The following GDAP1 variants were observed in gnomAD, a reference collection of about 807,000 sequenced individuals.
GDAP1 encodes ganglioside-induced differentiation-associated protein 1.
In GDAP1, 34 loss-of-function variants were observed where a neutral mutation model predicts 40.1. The ratio of observed to expected loss-of-function variants is 0.85; its 90% CI spans 0.64 to 1.13. GDAP1 has a LOEUF of 1.13. GDAP1 is among the 50% of genes most tolerant of loss of function. The pLI, the probability that GDAP1 is intolerant of heterozygous loss-of-function variation, is 0.00. For synonymous variants in GDAP1, 170 were observed against 157.4 expected, an observed-to-expected ratio of 1.08 and a Z score of -0.60; for missense variants, 374 against 433.7, an observed-to-expected ratio of 0.86 and a Z score of 1.22.
intron 2 of GDAP1, among the ~76,000 whole-genome samples, chr8:74,407,973 AT>A (rs1212848107): frequency 6.7e-6 from 1 of 149,912 alleles, no homozygotes; most frequent in Non-Finnish European, 1.5e-5. Context: ...CAAGTCTAAA[AT>A]TTTCTATTTC....
At position 74,395,463 on chromosome 8, in the gene GDAP1, G is replaced by C. The variant is rs1468494721; in HGVS notation, c.165+44142G>C. On this transcript the variant is annotated intron_variant, in intron 2 of 2. Transcript: ENST00000523640. ...GAAGAACAATAGTAAATTGGATGAA[G>C]AGAAATAATCAATCCCTTTGTATAA... Among the ~76,000 whole-genome samples, 3 of 152,160 alleles carry C rather than the reference G, an allele frequency of 2.0e-5. No homozygotes were observed. The East Asian group carries it at 5.8e-4, about 29-fold the overall frequency.
intron 2 of GDAP1, among the ~76,000 whole-genome samples, chr8:74,444,008 A>G (rs1490193718): frequency 7.1e-6 from 1 of 140,946 alleles, no homozygotes. Flanking sequence ...CTATCTATCT[A>G]TCTATCTATC....
chr8:74,350,497 G>A lies in GDAP1; in HGVS notation c.36G>A (p.Pro12=). 6.2e-7 allele frequency: 1 copy of A among 1,613,238 alleles called. No individual in the cohort carries two copies. Among genetic ancestry groups the A allele is most frequent in the Non-Finnish European group, 8.5e-7 (1 of 1,179,366 alleles). The change falls in exon 1 of 6, where the codon CCG becomes CCA. Residue 12 remains proline, a synonymous_variant. Coordinates refer to ENST00000220822, the MANE Select transcript of GDAP1 (RefSeq NM_018972.4). ...AERQEEQRGS[P]PLRAEGKADA... is the part of the protein sequence containing the mutation. ...GGCAGGAAGAGCAGAGAGGGAGCCC[G>A]CCCTTGAGGGCGGAAGGCAAGGCCG...
At chr8:74,461,303 C>A (rs987907301) in intron 2 of GDAP1, among the ~76,000 whole-genome samples, 1 of 152,176 alleles carries the variant, frequency 6.6e-6, no homozygotes. Context: ...CATTAATGCT[C>A]TGCTCTCTAA....
At chr8:74,366,912 T>C (rs1462606023), downstream of GDAP1, 4 of 383,348 alleles carry the variant, frequency 1.0e-5, no homozygotes, top group African/African-American at 2.1e-5. Context: ...AAAACAGATA[T>C]ATTTTTTTCA....
At chr8:74,412,622 A>G (rs1301142370) in intron 2 of GDAP1, among the ~76,000 whole-genome samples, 1 of 150,238 alleles carries the variant, frequency 6.7e-6, no homozygotes, top group Non-Finnish European at 1.5e-5. Context: ...CTGTCAATCT[A>G]GAATTTAATA....
chr8:74,484,802 A>G (rs1480220655), intron 2 of GDAP1, among the ~76,000 whole-genome samples: 1 of 152,094 alleles, frequency 6.6e-6, no homozygotes, highest in Non-Finnish European at 1.5e-5. Context: ...TGAGTTTCCT[A>G]AAAGTCCATA....
At chr8:74,393,527 GATA>G (rs1471832110) in intron 2 of GDAP1, among the ~76,000 whole-genome samples, 1 of 152,056 alleles carries the variant, frequency 6.6e-6, no homozygotes, top group African/African-American at 2.4e-5. Context: ...CTAGAAAAAT[GATA>G]ATGACTATTT....
intron 2 of GDAP1, among the ~76,000 whole-genome samples, chr8:74,458,996 G>T (rs1164699324): frequency 6.6e-6 from 1 of 152,058 alleles, no homozygotes; most frequent in African/African-American, 2.4e-5. Context: ...AAAAATTTTG[G>T]TGGTTTTAAC....
intron 2 of GDAP1, among the ~76,000 whole-genome samples, chr8:74,375,771 A>T (rs1480235035): frequency 1.3e-5 from 2 of 152,192 alleles, no homozygotes; most frequent in Non-Finnish European, 2.9e-5. Context: ...TATCCCATGG[A>T]GTAATAGCCA....
At chr8:74,449,771 T>A (rs1806274717) in intron 2 of GDAP1, among the ~76,000 whole-genome samples, 1 of 151,808 alleles carries the variant, frequency 6.6e-6, no homozygotes, top group Non-Finnish European at 1.5e-5. Context: ...TTAGTTTGAC[T>A]TTTTTTGTTT....
intron 2 of GDAP1, among the ~76,000 whole-genome samples, chr8:74,422,331 TTCTTTCTTTCTTTCTTTCTTC>T (rs1563465376): frequency 0.046 from 3,019 of 66,250 alleles, 67 homozygotes; most frequent in East Asian, 0.063. Context: ...CTTTCTTTCT[TTCTTTCTTTCTTTCTTTCTTC>T]CCTTCCTTCC....
At position 74,364,525 on chromosome 8, in the gene GDAP1, A is replaced by G. The variant is rs762380919; in HGVS notation, c.*158A>G. 8.1e-5 allele frequency: 63 copies of G among 779,440 alleles called. No homozygotes were observed. Among genetic ancestry groups the G allele is most frequent in the Middle Eastern group, 3.5e-4 (1 of 2,884 alleles). 48.3% of individuals were successfully genotyped at this position (779,440 alleles called of 1,614,324 possible). A position where few individuals can be genotyped will look rare whatever the true frequency, so the allele number is the denominator to read the frequency against. ...ACACAACACAGGGGTTCAGGTAGCA[A>G]TAGGACACAAAATTGCTTTATTCTA... On this transcript the variant is annotated 3_prime_UTR_variant, in exon 6 of 6. Transcript: ENST00000220822.
chr8:74,479,611 A>G (rs193054262), intron 2 of GDAP1, among the ~76,000 whole-genome samples: 15 of 152,316 alleles, frequency 9.8e-5, no homozygotes, highest in African/African-American at 3.6e-4. Flanking sequence ...ATCACTATTT[A>G]TTTAGTTCTT....
chr8:74,365,394 A>C lies in GDAP1; in HGVS notation c.*1027A>C. The C allele has an allele frequency of 2.2e-6, 1 of 453,772 alleles. No individual in the cohort carries two copies. Among genetic ancestry groups the C allele is most frequent in the African/African-American group, 2.0e-5 (1 of 50,002 alleles). The allele number at this position is 453,772 out of a possible 1,614,324, so 28.1% of individuals were successfully genotyped here. Reference sequence around the variant, plus strand: ...GATGCATACCTGTATTCACTGATGTATGTTTAAGGGATTTGGGGGGGATAC... The same window carrying C: ...GATGCATACCTGTATTCACTGATGTCTGTTTAAGGGATTTGGGGGGGATAC... On this transcript the variant is annotated 3_prime_UTR_variant, in exon 6 of 6. Coordinates refer to ENST00000220822, the MANE Select transcript of GDAP1 (RefSeq NM_018972.4).
At chr8:74,437,831 A>G (rs556212913) in intron 2 of GDAP1, among the ~76,000 whole-genome samples, 10 of 152,312 alleles carry the variant, frequency 6.6e-5, no homozygotes, top group Non-Finnish European at 8.8e-5. Context: ...CATTATATGA[A>G]TATACTCGAA....
At chr8:74,483,403 G>A (rs1409377709) in intron 2 of GDAP1, among the ~76,000 whole-genome samples, 4 of 151,864 alleles carry the variant, frequency 2.6e-5, no homozygotes, top group African/African-American at 4.8e-5. Flanking sequence ...GGCAAGAACC[G>A]CTATTACTTT....
rs536007822 is a variant in GDAP1 at position 74,385,425 on chromosome 8, A to G, written c.165+34104A>G. On this transcript the variant is annotated intron_variant, in intron 2 of 2. Transcript: ENST00000523640. ...CCCCCACTTATGAGTGAGAACATACAGTGTTTGGTTTTCTGCTCCTGTGTT... is the reference window on the plus strand; with the variant it reads ...CCCCCACTTATGAGTGAGAACATACGGTGTTTGGTTTTCTGCTCCTGTGTT... Among the ~76,000 whole-genome samples, 85 of 152,056 alleles carry G rather than the reference A, an allele frequency of 5.6e-4. 1 individual carries two copies. The highest frequency in any genetic ancestry group is 1.1e-3 in the Non-Finnish European group (72 of 67,978).
intron 2 of GDAP1, among the ~76,000 whole-genome samples, chr8:74,409,830 T>C (rs1337679133): frequency 1.3e-5 from 2 of 150,116 alleles, no homozygotes; most frequent in Non-Finnish European, 2.9e-5. Flanking sequence ...CCCTAGTTCC[T>C]GTTTTCCTGC....
Sources: gnomAD v4.1 joint callset for allele counts (sites outside exome capture counted in the v4.1 genomes callset) on GRCh38, gnomAD v4.1.1 for gene constraint, MANE v1.5 for transcripts, NCBI Gene and HGNC (gene_info 2026-07-23, HGNC 2026-07-21) for gene names.